TNXB: variants seen among roughly 807,000 people sequenced by gnomAD.
The protein encoded by TNXB is tenascin XB.
A neutral mutation model predicts 340.5 loss-of-function variants in TNXB; 183 were observed. The ratio of observed to expected loss-of-function variants is 0.54; its 90% CI spans 0.48 to 0.61. The LOEUF (loss-of-function observed/expected upper bound fraction) is 0.61, where lower values mean the gene tolerates loss of function less well. Among genes scored for constraint, TNXB ranks in the 20% least tolerant of loss-of-function variants. The pLI is 0.00. For synonymous variants in TNXB, 2,121 were observed against 2,314.5 expected (o/e 0.92, Z 2.40); for missense variants, 4,613 against 5,446.4 (o/e 0.85, Z 4.82).
chr6:32,097,741 T>C lies in TNXB; in HGVS notation c.403+55A>G. On this transcript the variant is annotated intron_variant, in intron 2 of 43. Coordinates refer to ENST00000644971, the MANE Select transcript of TNXB (RefSeq NM_001365276.2). This position sits in a 1 kb window ranked among gnomAD's most constrained non-coding sequence, Gnocchi z 5.9. ...ATTCATACCAAGGACCTTTATGGAC[T>C]AGCAATGCCCACCCCACCCCACCTC... The C allele has an allele frequency of 6.8e-7, 1 of 1,480,504 alleles. No homozygotes were observed. The highest frequency in any genetic ancestry group is 9.0e-7 in the Non-Finnish European group (1 of 1,113,994). 91.7% of individuals were successfully genotyped at this position (1,480,504 alleles called of 1,614,324 possible).
In TNXB at chr6:32,046,258, T is replaced by C. The variant is rs1308753900; in HGVS notation, c.10523A>G (p.Glu3508Gly). The C allele has an allele frequency of 3.1e-6, 5 of 1,605,772 alleles. No homozygotes were observed. The Middle Eastern group carries it at 6.6e-4, about 212-fold the overall frequency. ...CAGAAACTTGTATTTCTTGCCAGGC[T>C]CCAGGTCCTCTACGGTGACTGTGCG... is the stretch of plus-strand genomic sequence containing the variant. ...DQRTVTVEDL[E>G]PGKKYKFLLY... The change falls in exon 31 of 44, where the codon GAG (glutamate) becomes GGG (glycine). Residue 3508 changes from glutamate to glycine, a missense_variant. By Grantham distance (98) the Glu-to-Gly change is moderately conservative (BLOSUM62 -2). Coordinates refer to ENST00000644971, the MANE Select transcript of TNXB (RefSeq NM_001365276.2). This position sits in a 1 kb window ranked among gnomAD's most constrained non-coding sequence, Gnocchi z 6.9.
Position 32,068,754 on chromosome 6 carries a change from G to A in TNXB, c.5903-47C>T, listed in dbSNP as rs575207570. 6.9e-6 allele frequency: 11 copies of A among 1,597,102 alleles called. No individual in the cohort carries two copies. Among genetic ancestry groups the A allele is most frequent in the African/African-American group, 5.4e-5 (4 of 74,750 alleles). On this transcript the variant is annotated intron_variant, in intron 16 of 43. Transcript: ENST00000644971. The surrounding 1 kb of genome is among the most constrained non-coding windows in gnomAD (Gnocchi z 5.3). ...GAGGACTGAGGTGGGCAGGGTATCC[G>A]CGGGACTCTGCTGTCCTCTGGACTC... is the stretch of plus-strand genomic sequence containing the variant.
intron 4 of TNXB, chr6:32,093,428 G>A (rs1780170111): frequency 1.4e-6 from 1 of 701,774 alleles, no homozygotes; most frequent in Admixed American, 2.0e-5. Flanking sequence ...TGGAGAGTGA[G>A]GAGAGGCAGA....
chr6:32,092,706 G>A (rs9279487), intron 4 of TNXB, among the ~76,000 whole-genome samples: 2 of 143,186 alleles, frequency 1.4e-5, no homozygotes, highest in Non-Finnish European at 3.1e-5. Context: ...AAAAAAAAAA[G>A]AAAGAAAGAA....
chr6:32,076,867 A>C (rs1052562161), intron 11 of TNXB, among the ~76,000 whole-genome samples: 7 of 152,146 alleles, frequency 4.6e-5, no homozygotes, highest in Non-Finnish European at 4.4e-5. Flanking sequence ...CTGTAATCCC[A>C]GCTACTTGGG....
chr6:32,093,326 TAAC>T (rs775299389), intron 4 of TNXB: 2 of 689,184 alleles, frequency 2.9e-6, no homozygotes, highest in East Asian at 2.7e-5. Flanking sequence ...AGTATTTTTA[TAAC>T]AACAACAAAA....
chr6:32,046,413 G>T lies in TNXB; in HGVS notation c.10368C>A (p.Thr3456=), dbSNP rs116701346. ...GAGAGCTGGAGGTCTCCTCAGCCAC[G>T]GTCAGTTCCCCCAGGTGGGGAGGTA... ...KELPPHLGEL[T]VAEETSSSLR... The change falls in exon 31 of 44, where the codon ACC becomes ACA. Residue 3456 remains threonine, a synonymous_variant. Coordinates refer to ENST00000644971, the MANE Select transcript of TNXB (RefSeq NM_001365276.2). This position sits in a 1 kb window ranked among gnomAD's most constrained non-coding sequence, Gnocchi z 6.9. The T allele has an allele frequency of 2.5e-6, 4 of 1,579,948 alleles. No individual in the cohort carries two copies. In the South Asian group the frequency reaches 4.5e-5, roughly 18 times the overall value.
Position 32,053,665 on chromosome 6 carries a change from G to T in TNXB, c.8514C>A (p.Thr2838=). ...GGCGAGGCTTGTTGGGGGGCTCAGG[G>T]GTTGTGGTGGGCACTGCTTGGGTGG... is the stretch of plus-strand genomic sequence containing the variant. The part of the protein sequence containing the change: ...AETTQAVPTT[T]PEPPNKPRLG... The change falls in exon 25 of 44, where the codon ACC becomes ACA. Residue 2838 remains threonine, a synonymous_variant. Coordinates refer to ENST00000644971, the MANE Select transcript of TNXB (RefSeq NM_001365276.2). 6.2e-7 allele frequency: 1 copy of T among 1,613,232 alleles called. No individual in the cohort carries two copies. Among genetic ancestry groups the T allele is most frequent in the Non-Finnish European group, 8.5e-7 (1 of 1,179,784 alleles).
rs1400626826 is a variant in TNXB at position 32,064,039 on chromosome 6, T to A, written c.6841+782A>T. 6.6e-6 allele frequency among the ~76,000 whole-genome samples: 1 copy of A among 152,182 alleles called. No homozygotes were observed. The highest frequency in any genetic ancestry group is 1.5e-5 in the Non-Finnish European group (1 of 68,016). ...CAGTGATAATTATGAGAATTTGCCC[T>A]AAGCGGTTTTCAGGAACTACCTACC... On this transcript the variant is annotated intron_variant, in intron 19 of 43. Coordinates refer to ENST00000644971, the MANE Select transcript of TNXB (RefSeq NM_001365276.2). The surrounding 1 kb of genome is among the most constrained non-coding windows in gnomAD (Gnocchi z 5.3).
Position 32,081,778 on chromosome 6 carries a change from C to T in TNXB, c.3737-105G>A, listed in dbSNP as rs1287852392. ...TATGGGGGGTGGGGGGTCACTAGTC[C>T]ATTAATTCGAGTGCTAAACTTCTGG... On this transcript the variant is annotated intron_variant, in intron 9 of 43. Transcript: ENST00000644971. The surrounding 1 kb of genome is among the most constrained non-coding windows in gnomAD (Gnocchi z 5.1). 1 of 737,928 alleles carries T rather than the reference C, an allele frequency of 1.4e-6. No homozygotes were observed. Among genetic ancestry groups the T allele is most frequent in the African/African-American group, 1.8e-5 (1 of 56,554 alleles). The allele number at this position is 737,928 out of a possible 1,614,324, so 45.7% of individuals were successfully genotyped here. A position where few individuals can be genotyped will look rare whatever the true frequency, so the allele number is the denominator to read the frequency against.
chr6:32,072,070 G>A lies in TNXB; in HGVS notation c.4910C>T (p.Pro1637Leu). Residue 1637 changes from proline (P) to leucine (L), a missense_variant, in exon 13 of 44, where the codon CCC becomes CTC. Physicochemically the swap from Pro to Leu is moderately conservative, Grantham distance 98. This residue lies in a region of TNXB where 4,327 missense variants were observed against 4,859.4 expected (regional missense o/e 0.89). Coordinates refer to ENST00000644971, the MANE Select transcript of TNXB (RefSeq NM_001365276.2). This position sits in a 1 kb window ranked among gnomAD's most constrained non-coding sequence, Gnocchi z 4.4. ...QREVTIPDLE[P>L]SRKYKFLLFG... ...GAGCAGGAACTTGTACTTGCGGGAG[G>A]GTTCCAGGTCAGGGATAGTGACCTC... 1.2e-6 allele frequency: 2 copies of A among 1,612,828 alleles called. No homozygotes were observed. Among genetic ancestry groups the A allele is most frequent in the African/African-American group, 1.3e-5 (1 of 75,032 alleles).
At position 32,045,105 on chromosome 6, in the gene TNXB, G is replaced by A. The variant is rs777951697; in HGVS notation, c.10828C>T (p.Leu3610Phe). The A allele has an allele frequency of 1.2e-6, 2 of 1,612,930 alleles. No homozygotes were observed. The highest frequency in any genetic ancestry group is 8.5e-7 in the Non-Finnish European group (1 of 1,179,896). The change falls in exon 32 of 44, where the codon CTC (leucine) becomes TTC (phenylalanine). Residue 3610 changes from leucine to phenylalanine, a missense_variant. Physicochemically the swap from Leu to Phe is conservative, Grantham distance 22. This residue lies in a region of TNXB where 5 missense variants were observed against 154.9 expected (regional missense o/e 0.03). Coordinates refer to ENST00000644971, the MANE Select transcript of TNXB (RefSeq NM_001365276.2). The stretch of plus-strand genomic sequence containing the variant: ...GTGCTGGGCTCCAGGCCTGAGATGA[G>A]GATCTTGCTCTGGTCGCCGTCCACG... Reference protein sequence around the residue: ...LLVDGDQSKILISGLEPSTPY... With the variant: ...LLVDGDQSKIFISGLEPSTPY...
At chr6:32,053,024 G>C (rs933871166) in intron 25 of TNXB, 31 bp from the exon 26 acceptor site, 2 of 1,593,806 alleles carry the variant, frequency 1.3e-6, no homozygotes, top group African/African-American at 1.3e-5. Context: ...AGGTGAGGCA[G>C]CTTCCCTGGG....
At chr6:32,041,652 G>A (rs1776408745) in intron 43 of TNXB, 119 bp downstream of exon 43, 1 of 1,138,304 alleles carries the variant, frequency 8.8e-7, no homozygotes. Flanking sequence ...CTGCGAGGCT[G>A]GCATGATTGT....
Position 32,043,878 on chromosome 6 carries a change from C to T in TNXB, c.11401G>A (p.Val3801Met). Residue 3801 changes from valine to methionine, a missense_variant, in exon 35 of 44, where the codon GTG becomes ATG. Around this residue, in one of 7 missense-constraint regions of TNXB, gnomAD observed 114 missense variants for 104.5 expected, o/e 1.09. Transcript: ENST00000644971. ...QLADGGEPQSVQVDGQARTQK... is the reference protein window; with the variant it reads ...QLADGGEPQSMQVDGQARTQK... ...GTCCGGGCCTGGCCATCCACCTGCA[C>T]ACTCTGAGGCTCCCCTGAAAACATT... 1 of 1,613,740 alleles carries T rather than the reference C, an allele frequency of 6.2e-7. No homozygotes were observed. Among genetic ancestry groups the T allele is most frequent in the Non-Finnish European group, 8.5e-7 (1 of 1,179,998 alleles).
chr6:32,047,663 C>G lies in TNXB; in HGVS notation c.10324+71G>C. 2 of 1,494,590 alleles carry G rather than the reference C, an allele frequency of 1.3e-6. No individual in the cohort carries two copies. Among genetic ancestry groups the G allele is most frequent in the East Asian group, 2.3e-5 (1 of 43,744 alleles). 92.6% of individuals were successfully genotyped at this position (1,494,590 alleles called of 1,614,324 possible). On this transcript the variant is annotated intron_variant, in intron 30 of 43. Transcript: ENST00000644971. This position sits in a 1 kb window ranked among gnomAD's most constrained non-coding sequence, Gnocchi z 6.2. Reference sequence around the variant, plus strand: ...TGATAGAGGGAATCTCACGGGAAGGCTGCAGGGCCAGCTCTGAGGGCTCGG... The same window carrying G: ...TGATAGAGGGAATCTCACGGGAAGGGTGCAGGGCCAGCTCTGAGGGCTCGG...
Position 32,049,640 on chromosome 6 carries a change from G to A in TNXB, c.9440-53C>T. On this transcript the variant is annotated intron_variant, in intron 27 of 43. Coordinates refer to ENST00000644971, the MANE Select transcript of TNXB (RefSeq NM_001365276.2). This position sits in a 1 kb window ranked among gnomAD's most constrained non-coding sequence, Gnocchi z 4.5. ...TGAGGGGGATGTCCTTGGGTCCTGG[G>A]GAAAAGGAGGGAGAAGCCAAGGCTA... The A allele has an allele frequency of 1.3e-6, 2 of 1,562,100 alleles. No homozygotes were observed. The highest frequency in any genetic ancestry group is 2.3e-5 in the East Asian group (1 of 44,216).
Position 32,073,883 on chromosome 6 carries a change from A to G in TNXB, c.4445T>C (p.Val1482Ala), listed in dbSNP as rs1778924199. ...CACAGAGTTGGGGGTCACATCTGTC[A>G]CTGTCAGCTCTCCTAGGCGTGGCTC... is the stretch of plus-strand genomic sequence containing the variant. ...PLEPRLGELT[V>A]TDVTPNSVGL... is the part of the protein sequence containing the mutation. Residue 1482 changes from valine (V) to alanine (A), a missense_variant, in exon 12 of 44, where the codon GTG becomes GCG. Transcript: ENST00000644971. The surrounding 1 kb of genome is among the most constrained non-coding windows in gnomAD (Gnocchi z 4.6). 1 of 1,610,074 alleles carries G rather than the reference A, an allele frequency of 6.2e-7. No homozygotes were observed. The highest frequency in any genetic ancestry group is 8.5e-7 in the Non-Finnish European group (1 of 1,178,666).
At position 32,046,217 on chromosome 6, in the gene TNXB, C is replaced by G; in HGVS notation, c.10564G>C (p.Gly3522Arg). ...KYKFLLYGLL[G>R]GKRLGPVSAL... ...GAGACCGGGCCCAGGCGCTTTCCCCCAAGGAGCCCGTAGAGCAGAAACTTG... is the reference window on the plus strand; with the variant it reads ...GAGACCGGGCCCAGGCGCTTTCCCCGAAGGAGCCCGTAGAGCAGAAACTTG... Residue 3522 changes from glycine to arginine, a missense_variant, in exon 31 of 44, where the codon GGG becomes CGG. Around this residue, in one of 7 missense-constraint regions of TNXB, gnomAD observed 4,327 missense variants for 4,859.4 expected, o/e 0.89. Coordinates refer to ENST00000644971, the MANE Select transcript of TNXB (RefSeq NM_001365276.2). This position sits in a 1 kb window ranked among gnomAD's most constrained non-coding sequence, Gnocchi z 6.9. The G allele has an allele frequency of 6.3e-7, 1 of 1,598,522 alleles. No homozygotes were observed.
Sources: gnomAD v4.1 joint callset for allele counts (sites outside exome capture counted in the v4.1 genomes callset) on GRCh38, gnomAD v4.1.1 for gene constraint, gnomAD v4.1.1 regional missense constraint, Gnocchi (gnomAD v3.1) non-coding constraint, MANE v1.5 for transcripts, NCBI Gene and HGNC (gene_info 2026-07-23, HGNC 2026-07-21) for gene names.